The following PTPRD variants were observed in gnomAD, a reference collection of about 807,000 sequenced individuals.
PTPRD encodes the protein protein tyrosine phosphatase receptor type D, also known as receptor-type tyrosine-protein phosphatase delta.
Under a neutral mutation model 214.5 loss-of-function variants are expected in PTPRD, and 34 were observed. The ratio of observed to expected loss-of-function variants is 0.16; its 90% CI spans 0.12 to 0.21. The LOEUF is 0.21. Among genes scored for constraint, PTPRD ranks in the 10% least tolerant of loss-of-function variants. The pLI is 1.00. For synonymous variants in PTPRD, 1,128 were observed against 845.7 expected, an observed-to-expected ratio of 1.33 and a Z score of -5.79; for missense variants, 2,545 against 2,398.7, an observed-to-expected ratio of 1.06 and a Z score of -1.27.
intron 14 of PTPRD, among the ~76,000 whole-genome samples, chr9:8,547,795 T>C (rs1293595470): frequency 6.6e-6 from 1 of 152,202 alleles, no homozygotes; most frequent in African/African-American, 2.4e-5. Context: ...TATGTGTGGA[T>C]ATGTATGTTT....
chr9:9,877,628 A>G (rs746172460), intron 5 of PTPRD, among the ~76,000 whole-genome samples: 2 of 152,178 alleles, frequency 1.3e-5, no homozygotes, highest in African/African-American at 4.8e-5. Flanking sequence ...TGTTGGGTAC[A>G]TTCTAGATCA....
chr9:8,431,746 C>G (rs1417237040), intron 35 of PTPRD, among the ~76,000 whole-genome samples: 1 of 152,200 alleles, frequency 6.6e-6, no homozygotes, highest in African/African-American at 2.4e-5. Context: ...GATACCACAG[C>G]TGACCTATTA....
At chr9:9,194,687 T>C (rs11788646) in intron 9 of PTPRD, among the ~76,000 whole-genome samples, 17,240 of 152,194 alleles carry the variant, frequency 0.11, 1,331 homozygotes, top group African/African-American at 0.21. Flanking sequence ...AGTATACTTA[T>C]ATGGGTTTAA....
At chr9:8,922,244 T>C (rs1439990173) in intron 11 of PTPRD, among the ~76,000 whole-genome samples, 1 of 152,192 alleles carries the variant, frequency 6.6e-6, no homozygotes, top group Non-Finnish European at 1.5e-5. Flanking sequence ...GTTACAGAAA[T>C]TTTTCTGAAA....
chr9:8,470,631 T>G (rs185332707), intron 31 of PTPRD, among the ~76,000 whole-genome samples: 262 of 152,248 alleles, frequency 1.7e-3, no homozygotes, highest in African/African-American at 6.0e-3. Context: ...CCTCAGCAAC[T>G]GTTGCACTAA....
intron 8 of PTPRD, among the ~76,000 whole-genome samples, chr9:9,398,738 C>T (rs1448950450): frequency 6.6e-6 from 1 of 151,584 alleles, no homozygotes; most frequent in Non-Finnish European, 1.5e-5. Flanking sequence ...CATGTTTTTT[C>T]CCCCCACAGG....
At chr9:10,580,064 G>A (rs2071160501) in intron 2 of PTPRD, among the ~76,000 whole-genome samples, 1 of 152,042 alleles carries the variant, frequency 6.6e-6, no homozygotes, top group Non-Finnish European at 1.5e-5. Context: ...ACTCTTTGTT[G>A]TTCTAGCTTA....
rs1031599252 is a variant in PTPRD at position 9,687,636 on chromosome 9, GA to G, written c.-287+46896del. 3.7e-3 allele frequency among the ~76,000 whole-genome samples: 547 copies of G among 146,218 alleles called. 3 individuals carry two copies. The highest frequency in any genetic ancestry group is 8.8e-3 in the African/African-American group (353 of 39,942). On this transcript the variant is annotated intron_variant, in intron 7 of 45. Transcript: ENST00000381196. ...AACTTAAAGTATAATAATAAAAAAA[GA>G]AAAAAAAAAGATTATGCAATCTTTA...
chr9:9,917,803 T>C lies in PTPRD; in HGVS notation c.-368+20704A>G, dbSNP rs899201949. On this transcript the variant is annotated intron_variant, in intron 5 of 45. Coordinates refer to ENST00000381196, the MANE Select transcript of PTPRD (RefSeq NM_002839.4). Reference sequence around the variant, plus strand: ...ATGGATTAACATGCAAATCAATAAATGTGATACATCACATTTGTAGAATGA... The same window carrying C: ...ATGGATTAACATGCAAATCAATAAACGTGATACATCACATTTGTAGAATGA... Among the ~76,000 whole-genome samples the C allele has an allele frequency of 3.9e-5, 6 of 152,170 alleles. 1 individual carries two copies. Among genetic ancestry groups the C allele is most frequent in the South Asian group, 2.1e-4 (1 of 4,826 alleles).
chr9:9,206,188 G>A (rs760970398), intron 9 of PTPRD, among the ~76,000 whole-genome samples: 26 of 152,190 alleles, frequency 1.7e-4, no homozygotes, highest in Non-Finnish European at 2.9e-4. Flanking sequence ...TGCTGGGGCT[G>A]AGTGAGTGAT....
intron 2 of PTPRD, among the ~76,000 whole-genome samples, chr9:10,455,567 T>C (rs1411117626): frequency 2.0e-5 from 3 of 151,782 alleles, no homozygotes; most frequent in Admixed American, 2.0e-4. Flanking sequence ...TGCTTTACAG[T>C]AGTTTTTAAT....
chr9:9,922,719 T>C (rs2082918907), intron 5 of PTPRD, among the ~76,000 whole-genome samples: 1 of 151,748 alleles, frequency 6.6e-6, no homozygotes, highest in Non-Finnish European at 1.5e-5. Flanking sequence ...AAAAAACCAG[T>C]AGAACATAAG....
At chr9:9,951,810 A>C (rs910455904) in intron 4 of PTPRD, among the ~76,000 whole-genome samples, 2 of 152,250 alleles carry the variant, frequency 1.3e-5, no homozygotes, top group African/African-American at 4.8e-5. Context: ...GCAGGAAACA[A>C]GATTACATAT....
At chr9:10,390,628 C>A (rs530346085) in intron 2 of PTPRD, among the ~76,000 whole-genome samples, 1 of 151,798 alleles carries the variant, frequency 6.6e-6, no homozygotes, top group South Asian at 2.1e-4. Flanking sequence ...ATCATTTTCA[C>A]TTTTTGGCCA....
In PTPRD at chr9:9,319,908, G is replaced by T. The variant is rs1336782768; in HGVS notation, c.-203+77541C>A. Among the ~76,000 whole-genome samples, 3 of 152,024 alleles carry T rather than the reference G, an allele frequency of 2.0e-5. No individual in the cohort carries two copies. In the East Asian group the frequency reaches 5.8e-4, roughly 29 times the overall value. On this transcript the variant is annotated intron_variant, in intron 9 of 45. Transcript: ENST00000381196. ...ACAATTTGAATTAAGTAACTGCATG[G>T]TTACATAAAGTCCTTTTTTAACAAT...
intron 11 of PTPRD, among the ~76,000 whole-genome samples, chr9:8,755,521 C>T (rs930822451): frequency 2.8e-5 from 4 of 140,554 alleles, no homozygotes; most frequent in African/African-American, 1.2e-4. Context: ...AAGAGTGAAA[C>T]TCTGTCTCAA....
intron 3 of PTPRD, among the ~76,000 whole-genome samples, chr9:10,037,054 T>A (rs2097197750): frequency 6.6e-6 from 1 of 151,852 alleles, no homozygotes; most frequent in Non-Finnish European, 1.5e-5. Context: ...CCTAGCTAAT[T>A]TTTTAATGTT....
chr9:8,586,865 C>T (rs1242200949), intron 14 of PTPRD, among the ~76,000 whole-genome samples: 4 of 152,104 alleles, frequency 2.6e-5, no homozygotes, highest in African/African-American at 4.8e-5. Flanking sequence ...AAACTGAAGC[C>T]GGCTGGGCGC....
intron 8 of PTPRD, among the ~76,000 whole-genome samples, chr9:9,426,281 G>T (rs992990602): frequency 3.9e-5 from 6 of 152,182 alleles, no homozygotes; most frequent in African/African-American, 1.4e-4. Flanking sequence ...GGCTCAGAGG[G>T]TCCCACGCCC....
Sources: allele counts gnomAD v4.1 joint callset (sites outside exome capture counted in the v4.1 genomes callset), GRCh38; gene constraint gnomAD v4.1.1; transcripts MANE v1.5; gene names NCBI Gene and HGNC (gene_info 2026-07-23, HGNC 2026-07-21).